WIPI2: variants seen among roughly 807,000 people sequenced by gnomAD.
WIPI2 encodes WD repeat domain phosphoinositide-interacting protein 2.
A neutral mutation model predicts 52.3 loss-of-function variants in WIPI2; 28 were observed. The observed-to-expected ratio is 0.54, with a 90% CI of 0.40 to 0.73. The LOEUF is 0.73. Among genes scored for constraint, WIPI2 ranks in the 30% least tolerant of loss-of-function variants. The pLI, the probability that WIPI2 is intolerant of heterozygous loss-of-function variation, is 0.00. For synonymous variants in WIPI2, 268 were observed against 245.0 expected (o/e 1.09, Z -0.88); for missense variants, 506 against 602.9 (o/e 0.84, Z 1.68).
At chr7:5,192,708 C>T (rs554704569) in intron 1 of WIPI2, among the ~76,000 whole-genome samples, 25 of 152,074 alleles carry the variant, frequency 1.6e-4, no homozygotes, top group Admixed American at 3.3e-4. Context: ...GCTAAAATGA[C>T]GGTAATTTGT....
In WIPI2 at chr7:5,227,167, C is replaced by T; in HGVS notation, c.849-13C>T. The T allele has an allele frequency of 1.2e-6, 2 of 1,613,516 alleles. No individual in the cohort carries two copies. Among genetic ancestry groups the T allele is most frequent in the Non-Finnish European group, 1.7e-6 (2 of 1,179,918 alleles). ...GGGTGCAGCTTCATGTGTCTGGTGGCCTTTCCTTCCAGACCCCCAGAGGAG... is the reference window on the plus strand; with the variant it reads ...GGGTGCAGCTTCATGTGTCTGGTGGTCTTTCCTTCCAGACCCCCAGAGGAG... On this transcript the variant is annotated splice_polypyrimidine_tract_variant and intron_variant, in intron 9 of 12. Transcript: ENST00000288828. The surrounding 1 kb of genome is among the most constrained non-coding windows in gnomAD (Gnocchi z 8.1).
chr7:5,229,172 T>C (rs889511704), intron 11 of WIPI2, among the ~76,000 whole-genome samples: 1 of 152,178 alleles, frequency 6.6e-6, no homozygotes, highest in Non-Finnish European at 1.5e-5. Flanking sequence ...CATGCCACCA[T>C]GCCCTGCTAA....
intron 11 of WIPI2, 92 bp from the exon 12 acceptor site, chr7:5,229,516 G>A (rs1783616325): frequency 6.7e-7 from 1 of 1,487,158 alleles, no homozygotes; most frequent in African/African-American, 1.4e-5. Flanking sequence ...TGAGTGGTGT[G>A]CTGGCTCTGT....
At position 5,230,881 on chromosome 7, in the gene WIPI2, CGAGGCCAGCGCCCTGCGCCTGGAT is replaced by C. The variant is rs754882435; in HGVS notation, c.1304_1327del (p.Ala435_Glu442del). 1.6e-5 allele frequency: 26 copies of C among 1,613,728 alleles called. No individual in the cohort carries two copies. Among genetic ancestry groups the C allele is most frequent in the Non-Finnish European group, 2.1e-5 (25 of 1,179,898 alleles). On this transcript the variant is annotated inframe_deletion, in exon 13 of 13. Transcript: ENST00000288828. The surrounding 1 kb of genome is among the most constrained non-coding windows in gnomAD (Gnocchi z 4.8). ...CTGTGGGTGGCGCCTGCCTGGAGGA[CGAGGCCAGCGCCCTGCGCCTGGAT>C]GAGGACAGCGAGCACCCGCCCATGA...
chr7:5,230,846 G>GACCTGGGTGCTGTGGGTGGC lies in WIPI2; in HGVS notation c.1265_1284dup (p.Ala429ThrfsTer28). On this transcript the variant is annotated frameshift_variant, in exon 13 of 13. Transcript: ENST00000288828. LOFTEE classifies it high-confidence loss of function. The surrounding 1 kb of genome is among the most constrained non-coding windows in gnomAD (Gnocchi z 4.8). ...TCGTCTCTTTGCAGCCTACACAGAC[G>GACCTGGGTGCTGTGGGTGGC]ACCTGGGTGCTGTGGGTGGCGCCTG... The GACCTGGGTGCTGTGGGTGGC allele has an allele frequency of 6.2e-7, 1 of 1,613,474 alleles. No homozygotes were observed. Among genetic ancestry groups the GACCTGGGTGCTGTGGGTGGC allele is most frequent in the Non-Finnish European group, 8.5e-7 (1 of 1,179,694 alleles).
At chr7:5,192,061 T>C (rs2115187352) in intron 1 of WIPI2, among the ~76,000 whole-genome samples, 1 of 152,348 alleles carries the variant, frequency 6.6e-6, no homozygotes, top group Middle Eastern at 3.4e-3. Context: ...GCTGTTTTTT[T>C]TTCTGTTTAC....
rs367598229 is a variant in WIPI2, at chr7:5,193,058, G to A, written c.75-60G>A. The A allele has an allele frequency of 2.0e-4, 310 of 1,513,388 alleles. No individual in the cohort carries two copies. In the African/African-American group the frequency reaches 2.5e-3, roughly 12 times the overall value. 93.7% of individuals were successfully genotyped at this position (1,513,388 alleles called of 1,614,324 possible). A position where few individuals can be genotyped will look rare whatever the true frequency, so the allele number is the denominator to read the frequency against. The stretch of plus-strand genomic sequence containing the variant: ...TTCATGATTCCTATCCTAAAAGTGT[G>A]CATAAGTTTTATTTGTTTTTTACCA... On this transcript the variant is annotated intron_variant, in intron 1 of 12. Coordinates refer to ENST00000288828, the MANE Select transcript of WIPI2 (RefSeq NM_015610.4).
chr7:5,218,137 C>G (rs1012318384), intron 7 of WIPI2, 123 bp downstream of exon 7: 2 of 1,001,268 alleles, frequency 2.0e-6, no homozygotes, highest in African/African-American at 3.2e-5. Flanking sequence ...GAAGCAAAGA[C>G]AGCCACCCAC....
At chr7:5,213,080 A>T (rs1158278057) in intron 3 of WIPI2, 2 of 152,172 alleles carry the variant, frequency 1.3e-5, no homozygotes, top group Non-Finnish European at 2.9e-5. Context: ...CACTGGCATG[A>T]TCCCTCCTGA....
At chr7:5,224,349 C>G (rs1783312806) in intron 8 of WIPI2, among the ~76,000 whole-genome samples, 1 of 152,192 alleles carries the variant, frequency 6.6e-6, no homozygotes, top group Non-Finnish European at 1.5e-5. Flanking sequence ...GTCTCTAGTG[C>G]CTTCCACGTA....
At chr7:5,228,032 G>T in intron 10 of WIPI2, 72 bp from the exon 11 acceptor site, 3 of 1,481,050 alleles carry the variant, frequency 2.0e-6, no homozygotes, top group African/African-American at 1.4e-5. Flanking sequence ...CCTGCCAAAA[G>T]TGAGGCCGCC....
chr7:5,223,106 G>A (rs113269783), intron 8 of WIPI2, among the ~76,000 whole-genome samples: 2 of 152,226 alleles, frequency 1.3e-5, no homozygotes, highest in Non-Finnish European at 2.9e-5. Flanking sequence ...GCCGCAGCCT[G>A]GAGTTCTCTT....
Position 5,231,214 on chromosome 7 carries a change from A to G in WIPI2, c.*267A>G. On this transcript the variant is annotated 3_prime_UTR_variant, in exon 13 of 13. Coordinates refer to ENST00000288828, the MANE Select transcript of WIPI2 (RefSeq NM_015610.4). ...TTTGCCAAAATTAACTGTTTGGTGA[A>G]GCCCGCAAAACCTCCTCGCTTTGCA... The G allele has an allele frequency of 5.4e-6, 2 of 372,214 alleles. No homozygotes were observed. The highest frequency in any genetic ancestry group is 4.8e-6 in the Non-Finnish European group (1 of 207,570). The allele number at this position is 372,214 out of a possible 1,614,324, so 23.1% of individuals were successfully genotyped here. A position where few individuals can be genotyped will look rare whatever the true frequency, so the allele number is the denominator to read the frequency against.
At chr7:5,212,676 C>G (rs1470127013) in intron 3 of WIPI2, among the ~76,000 whole-genome samples, 2 of 152,176 alleles carry the variant, frequency 1.3e-5, no homozygotes, top group African/African-American at 4.8e-5. Context: ...CACCACCACG[C>G]CCAGCTAATT....
In WIPI2 at chr7:5,230,747, T is replaced by G. The variant is rs1240772449; in HGVS notation, c.1253-88T>G. ...GCTTCAGTTTATAAATATACACCAG[T>G]GTTTCCAAAACACAGTCCTCAGTGT... On this transcript the variant is annotated intron_variant, in intron 12 of 12. Coordinates refer to ENST00000288828, the MANE Select transcript of WIPI2 (RefSeq NM_015610.4). This position sits in a 1 kb window ranked among gnomAD's most constrained non-coding sequence, Gnocchi z 4.8. The G allele has an allele frequency of 7.8e-6, 7 of 892,460 alleles. No homozygotes were observed. The highest frequency in any genetic ancestry group is 1.2e-5 in the Non-Finnish European group (7 of 594,476). The allele number at this position is 892,460 out of a possible 1,614,324, so 55.3% of individuals were successfully genotyped here. A position where few individuals can be genotyped will look rare whatever the true frequency, so the allele number is the denominator to read the frequency against.
chr7:5,212,395 G>A (rs1260398574), intron 3 of WIPI2, among the ~76,000 whole-genome samples: 1 of 152,218 alleles, frequency 6.6e-6, no homozygotes, highest in African/African-American at 2.4e-5. Flanking sequence ...TGGGGTGCCT[G>A]GAGAGTGAGA....
At chr7:5,192,330 G>A (rs959564033) in intron 1 of WIPI2, among the ~76,000 whole-genome samples, 1 of 152,112 alleles carries the variant, frequency 6.6e-6, no homozygotes, top group African/African-American at 2.4e-5. Context: ...GTAGTAGTAG[G>A]GTGGTTTATG....
chr7:5,194,799 C>T (rs926304391), intron 2 of WIPI2, among the ~76,000 whole-genome samples: 34 of 152,030 alleles, frequency 2.2e-4, no homozygotes, highest in African/African-American at 8.0e-4. Flanking sequence ...TAAACTCATA[C>T]GATAGAAAGA....
At chr7:5,226,992 C>A in intron 9 of WIPI2, 188 bp from the exon 10 acceptor site, 1 of 725,828 alleles carries the variant, frequency 1.4e-6, no homozygotes, top group Non-Finnish European at 2.2e-6. Context: ...CCCCCGACAC[C>A]TCCCAGAGGA....
Sources: gnomAD v4.1 joint callset for allele counts (sites outside exome capture counted in the v4.1 genomes callset) on GRCh38, gnomAD v4.1.1 for gene constraint, Gnocchi (gnomAD v3.1) non-coding constraint, MANE v1.5 for transcripts, NCBI Gene and HGNC (gene_info 2026-07-23, HGNC 2026-07-21) for gene names.